The following PKHD1 variants were observed in gnomAD, a reference collection of about 807,000 sequenced individuals.
PKHD1 encodes PKHD1 ciliary IPT domain containing fibrocystin/polyductin, also known as fibrocystin.
A neutral mutation model predicts 412.0 loss-of-function variants in PKHD1; 291 were observed. That is an observed-to-expected ratio of 0.71 (90% CI 0.64 to 0.78). PKHD1 has a LOEUF of 0.78. Among genes scored for constraint, PKHD1 ranks in the 30% least tolerant of loss-of-function variants. PKHD1 has a pLI of 0.00. For synonymous variants in PKHD1, 1,777 were observed against 1,821.5 expected, an observed-to-expected ratio of 0.98 and a Z score of 0.62; for missense variants, 4,825 against 4,950.7, an observed-to-expected ratio of 0.97 and a Z score of 0.76.
rs370557603 is a variant in PKHD1, at chr6:52,022,857, C to T, written c.5324G>A (p.Arg1775Gln). ...AGACACTGTAGCATTAGCCAGGACT[C>T]GGCAGGGAGCACCACACACAGCAGC... ...VSAAVCGAPC[R>Q]VLANATVSAF... is the part of the protein sequence containing the mutation. The change falls in exon 33 of 67, where the codon CGA becomes CAA. Residue 1775 changes from arginine to glutamine, a missense_variant. Physicochemically the swap from Arg to Gln is conservative, Grantham distance 43. Coordinates refer to ENST00000371117, the MANE Select transcript of PKHD1 (RefSeq NM_138694.4). 93 of 1,613,968 alleles carry T rather than the reference C, an allele frequency of 5.8e-5. 1 individual carries two copies. Among genetic ancestry groups the T allele is most frequent in the African/African-American group, 1.5e-4 (11 of 74,880 alleles).
intron 53 of PKHD1, among the ~76,000 whole-genome samples, chr6:51,786,339 C>T (rs1415340488): frequency 6.6e-6 from 1 of 152,152 alleles, no homozygotes; most frequent in Non-Finnish European, 1.5e-5. Flanking sequence ...TACTTCACTC[C>T]CTGACGATTT....
chr6:51,728,336 C>G (rs1187547583), intron 60 of PKHD1, among the ~76,000 whole-genome samples: 1 of 152,144 alleles, frequency 6.6e-6, no homozygotes, highest in East Asian at 1.9e-4. Context: ...AGTCACGCTA[C>G]CTTATACCTC....
intron 53 of PKHD1, among the ~76,000 whole-genome samples, chr6:51,789,343 TACAAGG>T (rs1228503231): frequency 6.6e-6 from 1 of 152,156 alleles, no homozygotes; most frequent in African/African-American, 2.4e-5. Flanking sequence ...CAGAGTGAGT[TACAAGG>T]ACAAAAATCT....
At chr6:51,682,262 C>A (rs775926590) in intron 60 of PKHD1, 33 of 453,442 alleles carry the variant, frequency 7.3e-5, no homozygotes, top group South Asian at 4.9e-4. Context: ...AAAACAGAAA[C>A]ATAACACAAT....
chr6:52,050,369 A>T, intron 21 of PKHD1, 74 bp from the exon 22 acceptor site: 1 of 1,463,080 alleles, frequency 6.8e-7, no homozygotes, highest in Non-Finnish European at 9.6e-7. Flanking sequence ...TCCCAGTTGG[A>T]AATGTGAGTT....
At chr6:51,936,301 C>CAT (rs1170151726) in intron 36 of PKHD1, among the ~76,000 whole-genome samples, 1 of 152,140 alleles carries the variant, frequency 6.6e-6, no homozygotes, top group Non-Finnish European at 1.5e-5. Flanking sequence ...TATAAGCCTA[C>CAT]ATAGTGTCTC....
At chr6:51,627,759 G>C (rs1049334466) in intron 65 of PKHD1, among the ~76,000 whole-genome samples, 7 of 152,044 alleles carry the variant, frequency 4.6e-5, no homozygotes, top group Admixed American at 4.6e-4. Context: ...GCCACCATAC[G>C]CAAGATGAGG....
chr6:51,741,071 A>G (rs1404174310), intron 60 of PKHD1: 1 of 518,582 alleles, frequency 1.9e-6, no homozygotes, highest in African/African-American at 1.9e-5. Context: ...GAGTTTTACC[A>G]TTGAATCATG....
intron 36 of PKHD1, among the ~76,000 whole-genome samples, chr6:51,950,223 A>G (rs1561964498): frequency 1.7e-5 from 2 of 119,886 alleles, no homozygotes; most frequent in Non-Finnish European, 3.6e-5. Flanking sequence ...AAAAAAAAAT[A>G]TATATATATA....
Position 52,048,615 on chromosome 6 carries a change from C to T in PKHD1, c.2284G>A (p.Val762Met), listed in dbSNP as rs956352782. The change falls in exon 23 of 67, where the codon GTG becomes ATG. Residue 762 changes from valine to methionine, a missense_variant. Coordinates refer to ENST00000371117, the MANE Select transcript of PKHD1 (RefSeq NM_138694.4). Reference sequence around the variant, plus strand: ...CCCTCTTCTGTTCCTTCAGTGGGCACAGAGCTGTGGCACGTCAGAAACAAA... The same window carrying T: ...CCCTCTTCTGTTCCTTCAGTGGGCATAGAGCTGTGGCACGTCAGAAACAAA... ...TELPLITARSVPTEGTEEGSG... is the reference protein window; with the variant it reads ...TELPLITARSMPTEGTEEGSG... The T allele has an allele frequency of 1.2e-6, 2 of 1,613,980 alleles. No homozygotes were observed. The highest frequency in any genetic ancestry group is 1.3e-5 in the African/African-American group (1 of 74,902).
At chr6:51,939,006 C>T (rs1248426493) in intron 36 of PKHD1, among the ~76,000 whole-genome samples, 1 of 151,624 alleles carries the variant, frequency 6.6e-6, no homozygotes, top group Non-Finnish European at 1.5e-5. Context: ...GCGCCAGTCA[C>T]GGACTCAGGA....
At chr6:51,856,802 A>G (rs1046392674) in intron 48 of PKHD1, among the ~76,000 whole-genome samples, 1 of 152,228 alleles carries the variant, frequency 6.6e-6, no homozygotes, top group African/African-American at 2.4e-5. Flanking sequence ...TCCCTAAGTT[A>G]GAGGTGTTTT....
chr6:51,751,697 C>A (rs531052690), intron 57 of PKHD1, among the ~76,000 whole-genome samples: 2 of 152,250 alleles, frequency 1.3e-5, no homozygotes, highest in South Asian at 4.1e-4. Context: ...TAATGTACAG[C>A]AGTTACCACA....
intron 20 of PKHD1, 130 bp from the exon 21 acceptor site, chr6:52,053,381 C>T (rs1807189507): frequency 1.1e-6 from 1 of 893,912 alleles, no homozygotes; most frequent in African/African-American, 1.6e-5. Flanking sequence ...TGAACCCCTG[C>T]ACCCAAGCAG....
chr6:51,813,924 G>T (rs1261016698), intron 52 of PKHD1, among the ~76,000 whole-genome samples: 1 of 152,002 alleles, frequency 6.6e-6, no homozygotes, highest in Non-Finnish European at 1.5e-5. Context: ...ATGAGTCTTT[G>T]GTCCTGATTC....
rs1472622275 is a variant in PKHD1, at chr6:51,748,195, A to T, written c.9421T>A (p.Cys3141Ser). The T allele has an allele frequency of 6.2e-7, 1 of 1,613,984 alleles. No homozygotes were observed. The highest frequency in any genetic ancestry group is 1.3e-5 in the African/African-American group (1 of 74,912). The change falls in exon 58 of 67, where the codon TGT becomes AGT. Residue 3141 changes from cysteine (C) to serine (S), a missense_variant. Physicochemically the swap from Cys to Ser is moderately radical, Grantham distance 112 (BLOSUM62 -1). Transcript: ENST00000371117. Reference protein sequence around the residue: ...HLYKESGLDNCTRISGFLAFK... With the variant: ...HLYKESGLDNSTRISGFLAFK... ...GCCAAGAAGCCAGAGATTCTGGTAC[A>T]GTTGTCAAGTCCACTTTCCTTATAG...
chr6:51,867,171 G>T (rs994752335), intron 48 of PKHD1, among the ~76,000 whole-genome samples: 1 of 152,154 alleles, frequency 6.6e-6, no homozygotes, highest in African/African-American at 2.4e-5. Flanking sequence ...AAGAAAATAA[G>T]TGTGGCTAAA....
rs1780430092 is a variant in PKHD1 at position 51,709,789 on chromosome 6, A to G, written c.10156+34596T>C. Among the ~76,000 whole-genome samples the G allele has an allele frequency of 1.3e-5, 2 of 151,820 alleles. 1 individual carries two copies. Among genetic ancestry groups the G allele is most frequent in the South Asian group, 4.1e-4 (2 of 4,830 alleles). Reference sequence around the variant, plus strand: ...AGTTTGGAACAGTCAATATAATTACATTTAATGAATAAATACACAGTAAGT... The same window carrying G: ...AGTTTGGAACAGTCAATATAATTACGTTTAATGAATAAATACACAGTAAGT... On this transcript the variant is annotated intron_variant, in intron 60 of 66. Coordinates refer to ENST00000371117, the MANE Select transcript of PKHD1 (RefSeq NM_138694.4).
At chr6:51,717,061 T>C (rs1781356625) in intron 60 of PKHD1, among the ~76,000 whole-genome samples, 1 of 152,224 alleles carries the variant, frequency 6.6e-6, no homozygotes, top group African/African-American at 2.4e-5. Flanking sequence ...TTAAGGTTCT[T>C]AGAGTTGTGA....
Sources: allele counts gnomAD v4.1 joint callset (sites outside exome capture counted in the v4.1 genomes callset), GRCh38; gene constraint gnomAD v4.1.1; transcripts MANE v1.5; gene names NCBI Gene and HGNC (gene_info 2026-07-23, HGNC 2026-07-21).